The following GPC5 variants were observed in gnomAD, a reference collection of about 807,000 sequenced individuals.
The protein encoded by GPC5 is glypican-5.
Under a neutral mutation model 53.9 loss-of-function variants are expected in GPC5, and 47 were observed. The observed-to-expected ratio is 0.87, with a 90% confidence interval of 0.69 to 1.11. The LOEUF (loss-of-function observed/expected upper bound fraction) is 1.11, where lower values mean the gene tolerates loss of function less well. Among genes scored for constraint, GPC5 ranks in the 50% most tolerant of loss-of-function variants. The probability of loss-of-function intolerance (pLI) is 0.00; values close to 1 mark genes in which losing one functional copy is unlikely to be tolerated. For synonymous variants in GPC5, 286 were observed against 263.3 expected (o/e 1.09, Z -0.84); for missense variants, 748 against 713.1 (o/e 1.05, Z -0.56).
intron 2 of GPC5, among the ~76,000 whole-genome samples, chr13:91,455,829 C>T (rs963454541): frequency 6.6e-6 from 1 of 151,976 alleles, no homozygotes; most frequent in Non-Finnish European, 1.5e-5. Context: ...TTCCAGTTCC[C>T]AAAACACACA....
At chr13:92,381,510 G>A (rs2043738656) in intron 7 of GPC5, among the ~76,000 whole-genome samples, 1 of 152,102 alleles carries the variant, frequency 6.6e-6, no homozygotes, top group African/African-American at 2.4e-5. Flanking sequence ...GTAGTTGTTG[G>A]TGTGGATGCA....
intron 2 of GPC5, among the ~76,000 whole-genome samples, chr13:91,510,137 T>A (rs932462992): frequency 1.3e-5 from 2 of 152,184 alleles, no homozygotes; most frequent in Non-Finnish European, 2.9e-5. Flanking sequence ...TAGAAAATTA[T>A]GTACATATAT....
chr13:92,163,202 C>T (rs1368628842), intron 7 of GPC5, among the ~76,000 whole-genome samples: 1 of 152,032 alleles, frequency 6.6e-6, no homozygotes, highest in African/African-American at 2.4e-5. Context: ...TGATTCACGC[C>T]TGTAATCCCA....
chr13:92,447,768 C>T (rs1303203171), intron 7 of GPC5: 1 of 152,024 alleles, frequency 6.6e-6, no homozygotes, highest in Non-Finnish European at 1.5e-5. Flanking sequence ...GAAAAAAAGG[C>T]CACCTTGCAG....
intron 7 of GPC5, among the ~76,000 whole-genome samples, chr13:92,325,288 A>G (rs2043243391): frequency 6.6e-6 from 1 of 152,044 alleles, no homozygotes; most frequent in Non-Finnish European, 1.5e-5. Flanking sequence ...GGGACAGTCA[A>G]TGCCTTTAAA....
At chr13:91,517,129 C>A (rs148882201) in intron 2 of GPC5, among the ~76,000 whole-genome samples, 2 of 152,286 alleles carry the variant, frequency 1.3e-5, no homozygotes, top group African/African-American at 4.8e-5. Context: ...TAAGATTAGG[C>A]TCCTTGCTAC....
At chr13:91,962,623 CATT>C (rs1337793175) in intron 6 of GPC5, among the ~76,000 whole-genome samples, 1 of 151,920 alleles carries the variant, frequency 6.6e-6, no homozygotes, top group East Asian at 1.9e-4. Flanking sequence ...TTGAAATTTC[CATT>C]ATGACTCATC....
chr13:91,647,299 C>T (rs1403212093), intron 2 of GPC5, among the ~76,000 whole-genome samples: 3 of 152,146 alleles, frequency 2.0e-5, no homozygotes, highest in African/African-American at 4.8e-5. Flanking sequence ...GCACTGTCAT[C>T]GACAGCAGGT....
chr13:92,398,932 C>T (rs1323013204), intron 7 of GPC5, among the ~76,000 whole-genome samples: 5 of 152,118 alleles, frequency 3.3e-5, no homozygotes, highest in African/African-American at 2.4e-5. Context: ...AACCTAGATC[C>T]TCCTTGTCAG....
At chr13:92,165,066 T>G (rs1180897839) in intron 7 of GPC5, among the ~76,000 whole-genome samples, 1 of 152,142 alleles carries the variant, frequency 6.6e-6, no homozygotes, top group Non-Finnish European at 1.5e-5. Flanking sequence ...CTCCTGATCC[T>G]CTAGGCCTGT....
chr13:91,865,903 T>C (rs1425289861), intron 5 of GPC5, among the ~76,000 whole-genome samples: 2 of 152,228 alleles, frequency 1.3e-5, no homozygotes, highest in Non-Finnish European at 2.9e-5. Context: ...GTTTCACTCT[T>C]GTGGCCCAGG....
At chr13:91,629,758 G>A (rs1014482583) in intron 2 of GPC5, among the ~76,000 whole-genome samples, 7 of 152,140 alleles carry the variant, frequency 4.6e-5, no homozygotes, top group African/African-American at 1.7e-4. Context: ...GACCTTTTGG[G>A]GCTATGATTA....
rs199697192 is a variant in GPC5 at position 92,866,293 on chromosome 13, G to A, written c.1573G>A (p.Asp525Asn). 55 of 1,610,060 alleles carry A rather than the reference G, an allele frequency of 3.4e-5. No homozygotes were observed. The highest frequency in any genetic ancestry group is 3.3e-4 in the Middle Eastern group (2 of 6,062). The change falls in exon 8 of 8, where the codon GAT becomes AAT. Residue 525 changes from aspartate to asparagine, a missense_variant. Coordinates refer to ENST00000377067, the MANE Select transcript of GPC5 (RefSeq NM_004466.6). Reference protein sequence around the residue: ...TLKITDWMPDDMNFSDVKQIH... With the variant: ...TLKITDWMPDNMNFSDVKQIH... ...ATTTGCCTCTACAGGGATGCCAGAT[G>A]ATATGAACTTCAGTGATGTAAAGCA... is the stretch of plus-strand genomic sequence containing the variant.
intron 2 of GPC5, among the ~76,000 whole-genome samples, chr13:91,574,242 C>T (rs1314302759): frequency 1.3e-5 from 2 of 152,116 alleles, no homozygotes; most frequent in African/African-American, 2.4e-5. Flanking sequence ...TTTCTAGTCT[C>T]TGATGAGCTG....
At chr13:92,808,736 G>T (rs1399377584) in intron 7 of GPC5, among the ~76,000 whole-genome samples, 1 of 151,636 alleles carries the variant, frequency 6.6e-6, no homozygotes, top group East Asian at 1.9e-4. Context: ...ATTTAATTTG[G>T]GGCATTTTCC....
intron 7 of GPC5, among the ~76,000 whole-genome samples, chr13:92,444,434 G>C (rs1431947316): frequency 6.6e-6 from 1 of 152,038 alleles, no homozygotes; most frequent in African/African-American, 2.4e-5. Flanking sequence ...CTCAATTCAG[G>C]GTCTCAATTA....
intron 2 of GPC5, among the ~76,000 whole-genome samples, chr13:91,466,258 C>T (rs1050477629): frequency 2.0e-5 from 3 of 152,144 alleles, no homozygotes; most frequent in African/African-American, 7.2e-5. Flanking sequence ...ATGTGGGTCT[C>T]TACAGCTTCC....
chr13:91,837,813 T>C (rs1468248746), intron 5 of GPC5, among the ~76,000 whole-genome samples: 2 of 152,100 alleles, frequency 1.3e-5, no homozygotes, highest in Non-Finnish European at 2.9e-5. Context: ...AATCCCAGGA[T>C]TGAAAGTCTG....
At chr13:92,860,103 C>G (rs997482020) in intron 7 of GPC5, among the ~76,000 whole-genome samples, 2 of 152,138 alleles carry the variant, frequency 1.3e-5, no homozygotes, top group Non-Finnish European at 2.9e-5. Flanking sequence ...CTTTGGTTTA[C>G]AGTCAGAATA....
Sources: gnomAD v4.1 joint callset for allele counts (sites outside exome capture counted in the v4.1 genomes callset) on GRCh38, gnomAD v4.1.1 for gene constraint, MANE v1.5 for transcripts, NCBI Gene and HGNC (gene_info 2026-07-23, HGNC 2026-07-21) for gene names.